LRRC25: variants seen among roughly 807,000 people sequenced by gnomAD.
LRRC25 encodes the protein leucine-rich repeat-containing protein 25.
Under a neutral mutation model 18.8 loss-of-function variants are expected in LRRC25, and 5 were observed. The observed-to-expected ratio is 0.27, with a 90% CI of 0.14 to 0.56. The LOEUF (loss-of-function observed/expected upper bound fraction) is 0.56, where lower values mean the gene tolerates loss of function less well. Among genes scored for constraint, LRRC25 ranks in the 20% least tolerant of loss-of-function variants. LRRC25 has a pLI of 0.93. For synonymous variants in LRRC25, 161 were observed against 176.8 expected, an observed-to-expected ratio of 0.91 and a Z score of 0.71; for missense variants, 341 against 389.8, an observed-to-expected ratio of 0.87 and a Z score of 1.05.
At position 18,396,892 on chromosome 19, in the gene LRRC25, CG is replaced by C; in HGVS notation, c.71del (p.Ser24CysfsTer20). On this transcript the variant is annotated frameshift_variant, in exon 1 of 2. Transcript: ENST00000339007. ...LLRESDSLEP[S>X]CTVSSADVDW... ...CCACATCCGCGGAGGACACGGTGCA[CG>C]ACGGTTCTAGGCTGTCTGACTCCCG... 6.2e-7 allele frequency: 1 copy of C among 1,613,550 alleles called. No homozygotes were observed. The highest frequency in any genetic ancestry group is 8.5e-7 in the Non-Finnish European group (1 of 1,179,998).
Position 18,396,669 on chromosome 19 carries a change from G to C in LRRC25, c.295C>G (p.Arg99Gly), listed in dbSNP as rs1189698972. 1.2e-6 allele frequency: 2 copies of C among 1,613,910 alleles called. No homozygotes were observed. Among genetic ancestry groups the C allele is most frequent in the Admixed American group, 3.3e-5 (2 of 59,968 alleles). The change falls in exon 1 of 2, where the codon CGT becomes GGT. Residue 99 changes from arginine to glycine, a missense_variant. Physicochemically the swap from Arg to Gly is moderately radical, Grantham distance 125 (BLOSUM62 -2). Transcript: ENST00000339007. The stretch of plus-strand genomic sequence containing the variant: ...CGGGCGGCCAGCGCCCCATCCACAC[G>C]AGACAAGGGGTTGCGTAGCACGTTC... ...VLNVLRNPLSRVDGALAARCD... is the reference protein window; with the variant it reads ...VLNVLRNPLSGVDGALAARCD...
intron 1 of LRRC25, among the ~76,000 whole-genome samples, chr19:18,392,488 T>C (rs1248381872): frequency 6.6e-6 from 1 of 150,934 alleles, no homozygotes; most frequent in Non-Finnish European, 1.5e-5. Context: ...CAAGACTCTA[T>C]CTCAGAAGGA....
chr19:18,395,732 T>C (rs1971959555), intron 1 of LRRC25, among the ~76,000 whole-genome samples: 1 of 152,176 alleles, frequency 6.6e-6, no homozygotes, highest in South Asian at 2.1e-4. Context: ...TTATTGATTT[T>C]ATTTTTGAGA....
chr19:18,396,082 T>C, intron 1 of LRRC25, 103 bp downstream of exon 1: 1 of 1,399,616 alleles, frequency 7.1e-7, no homozygotes. Context: ...TCACCTAAGA[T>C]CCCACAGCCT....
Position 18,397,466 on chromosome 19 carries a change from C to G in LRRC25, c.-503G>C, listed in dbSNP as rs954176978. Reference sequence around the variant, plus strand: ...CCTCAGTCCTACCTTTTGGGTCCCACTGCCACGCTTTTGCCTCTGCGATGC... The same window carrying G: ...CCTCAGTCCTACCTTTTGGGTCCCAGTGCCACGCTTTTGCCTCTGCGATGC... On this transcript the variant is annotated 5_prime_UTR_variant, in exon 1 of 2. Coordinates refer to ENST00000339007, the MANE Select transcript of LRRC25 (RefSeq NM_145256.3). 4 of 157,374 alleles carry G rather than the reference C, an allele frequency of 2.5e-5. No homozygotes were observed. Among genetic ancestry groups the G allele is most frequent in the Non-Finnish European group, 4.2e-5 (3 of 70,828 alleles). The allele number at this position is 157,374 out of a possible 1,614,324, so 9.7% of individuals were successfully genotyped here.
chr19:18,392,204 C>G, intron 1 of LRRC25, 79 bp from the exon 2 acceptor site: 1 of 1,477,222 alleles, frequency 6.8e-7, no homozygotes, highest in Middle Eastern at 1.7e-4. Context: ...TGAGAAAGTC[C>G]AGAGTGGGCC....
rs966750661 is a variant in LRRC25 at position 18,396,616 on chromosome 19, G to A, written c.348C>T (p.Cys116=). 5 of 1,613,908 alleles carry A rather than the reference G, an allele frequency of 3.1e-6. No individual in the cohort carries two copies. The highest frequency in any genetic ancestry group is 4.2e-6 in the Non-Finnish European group (5 of 1,180,050). Residue 116 remains cysteine (C), a synonymous_variant, in exon 1 of 2, where the codon TGC becomes TGT. Transcript: ENST00000339007. ...CGTGCCAGGACTCCAGGGCACAGTTGCAGTCGGCCTGCAGGTCAAGGTCAC... is the reference window on the plus strand; with the variant it reads ...CGTGCCAGGACTCCAGGGCACAGTTACAGTCGGCCTGCAGGTCAAGGTCAC... ...ARCDLDLQAD[C]NCALESWHDI... is the part of the protein sequence containing the mutation.
In LRRC25 at chr19:18,397,143, CTTCT is replaced by C; in HGVS notation, c.-184_-181del. 1 of 658,126 alleles carries C rather than the reference CTTCT, an allele frequency of 1.5e-6. No homozygotes were observed. The highest frequency in any genetic ancestry group is 2.6e-6 in the Non-Finnish European group (1 of 390,556). 40.8% of individuals were successfully genotyped at this position (658,126 alleles called of 1,614,324 possible). On this transcript the variant is annotated 5_prime_UTR_variant, in exon 1 of 2. Transcript: ENST00000339007. ...GGCTGGTGGGCTGCCTCAGTCTCCC[CTTCT>C]GGGGAATGGGTAGATAACCCCAGTG...
intron 1 of LRRC25, among the ~76,000 whole-genome samples, chr19:18,393,823 T>A (rs764761374): frequency 6.6e-6 from 1 of 152,120 alleles, no homozygotes; most frequent in Non-Finnish European, 1.5e-5. Flanking sequence ...AACTGTAAGA[T>A]GCAGGGTGGA....
intron 1 of LRRC25, among the ~76,000 whole-genome samples, chr19:18,393,980 A>C (rs1263844189): frequency 6.6e-6 from 1 of 152,186 alleles, no homozygotes; most frequent in Non-Finnish European, 1.5e-5. Context: ...ACCCTGCCTC[A>C]GACCATTTCT....
chr19:18,395,254 C>T (rs868724365), intron 1 of LRRC25, among the ~76,000 whole-genome samples: 1 of 151,880 alleles, frequency 6.6e-6, no homozygotes, highest in Non-Finnish European at 1.5e-5. Flanking sequence ...GCCTGTAGTC[C>T]CAGCTACTCG....
Position 18,396,808 on chromosome 19 carries a change from C to T in LRRC25, c.156G>A (p.Leu52=). 1.2e-6 allele frequency: 2 copies of T among 1,614,098 alleles called. No homozygotes were observed. The highest frequency in any genetic ancestry group is 1.7e-6 in the Non-Finnish European group (2 of 1,180,034). ...TGGCCCGCAGAGACTGGTTGTGAGG[C>T]AGGCTCAGGCTGAGGCCACTGAAAT... ...CLNFSGLSLS[L]PHNQSLRASN... The change falls in exon 1 of 2, where the codon CTG becomes CTA. Residue 52 remains leucine (L), a synonymous_variant. Transcript: ENST00000339007.
In LRRC25 at chr19:18,397,571, C is replaced by T. The variant is rs968026215; in HGVS notation, c.-608G>A. 5.2e-5 allele frequency: 8 copies of T among 154,462 alleles called. No individual in the cohort carries two copies. The highest frequency in any genetic ancestry group is 1.4e-4 in the African/African-American group (6 of 41,446). 9.6% of individuals were successfully genotyped at this position (154,462 alleles called of 1,614,324 possible). Reference sequence around the variant, plus strand: ...CGCAGCGGCCACGGCCAGCACCGTCCGCAGCGCTGCTGGGGTCGCTGGCGT... The same window carrying T: ...CGCAGCGGCCACGGCCAGCACCGTCTGCAGCGCTGCTGGGGTCGCTGGCGT... On this transcript the variant is annotated 5_prime_UTR_variant, in exon 1 of 2. Coordinates refer to ENST00000339007, the MANE Select transcript of LRRC25 (RefSeq NM_145256.3).
At chr19:18,392,257 TGAG>T in intron 1 of LRRC25, 132 bp from the exon 2 acceptor site, 1 of 868,492 alleles carries the variant, frequency 1.2e-6, no homozygotes, top group Non-Finnish European at 1.9e-6. Context: ...TTTGGGAGGC[TGAG>T]GTGGGTGGAT....
rs1349222700 is a variant in LRRC25, at chr19:18,397,258, C to T, written c.-295G>A. 2 of 437,180 alleles carry T rather than the reference C, an allele frequency of 4.6e-6. No individual in the cohort carries two copies. The highest frequency in any genetic ancestry group is 8.3e-6 in the Non-Finnish European group (2 of 240,392). 27.1% of individuals were successfully genotyped at this position (437,180 alleles called of 1,614,324 possible). A position where few individuals can be genotyped will look rare whatever the true frequency, so the allele number is the denominator to read the frequency against. The stretch of plus-strand genomic sequence containing the variant: ...TGAACATTTGGGGCGCCCTCGTTGG[C>T]CAGGACGGGACCCTATGCAAATAAG... On this transcript the variant is annotated 5_prime_UTR_variant, in exon 1 of 2. Transcript: ENST00000339007.
At position 18,391,949 on chromosome 19, in the gene LRRC25, C is replaced by G. The variant is rs1191898618; in HGVS notation, c.*38G>C. 6.2e-7 allele frequency: 1 copy of G among 1,601,330 alleles called. No individual in the cohort carries two copies. The highest frequency in any genetic ancestry group is 8.5e-7 in the Non-Finnish European group (1 of 1,171,484). On this transcript the variant is annotated 3_prime_UTR_variant, in exon 2 of 2. Coordinates refer to ENST00000339007, the MANE Select transcript of LRRC25 (RefSeq NM_145256.3). ...GACGCCCTGAGTCACCCAGCAGGGACTGAAGGGGTTCTGGGTGGAGGTTAG... is the reference window on the plus strand; with the variant it reads ...GACGCCCTGAGTCACCCAGCAGGGAGTGAAGGGGTTCTGGGTGGAGGTTAG...
rs966139752 is a variant in LRRC25 at position 18,397,448 on chromosome 19, C to G, written c.-485G>C. 6.8e-5 allele frequency: 11 copies of G among 160,666 alleles called. No individual in the cohort carries two copies. The highest frequency in any genetic ancestry group is 2.4e-4 in the African/African-American group (10 of 41,754). The allele number at this position is 160,666 out of a possible 1,614,324, so 10.0% of individuals were successfully genotyped here. A position where few individuals can be genotyped will look rare whatever the true frequency, so the allele number is the denominator to read the frequency against. ...CAGGTGCAAGTTCTAGAGCCTCAGT[C>G]CTACCTTTTGGGTCCCACTGCCACG... On this transcript the variant is annotated 5_prime_UTR_variant, in exon 1 of 2. Transcript: ENST00000339007.
Position 18,391,222 on chromosome 19 carries a change from G to A in LRRC25, c.*765C>T, listed in dbSNP as rs1971892786. 1 of 152,256 alleles carries A rather than the reference G, an allele frequency of 6.6e-6. No individual in the cohort carries two copies. The highest frequency in any genetic ancestry group is 1.5e-5 in the Non-Finnish European group (1 of 68,108). The allele number at this position is 152,256 out of a possible 1,614,324, so 9.4% of individuals were successfully genotyped here. On this transcript the variant is annotated 3_prime_UTR_variant, in exon 2 of 2. Coordinates refer to ENST00000339007, the MANE Select transcript of LRRC25 (RefSeq NM_145256.3). ...GCCAAGCCTGGAGATCAGGGACCTG[G>A]GAAGGGGCCCTGAGAGGGGCAGAAG...
Position 18,396,639 on chromosome 19 carries a change from C to A in LRRC25, c.325G>T (p.Asp109Tyr). The A allele has an allele frequency of 1.2e-6, 2 of 1,614,072 alleles. No homozygotes were observed. Among genetic ancestry groups the A allele is most frequent in the Non-Finnish European group, 1.7e-6 (2 of 1,180,040 alleles). The change falls in exon 1 of 2, where the codon GAC becomes TAC. Residue 109 changes from aspartate (D) to tyrosine (Y), a missense_variant. Asp to Tyr is a radical substitution (Grantham distance 160). Coordinates refer to ENST00000339007, the MANE Select transcript of LRRC25 (RefSeq NM_145256.3). ...TTGCAGTCGGCCTGCAGGTCAAGGTCACAGCGGGCGGCCAGCGCCCCATCC... is the reference window on the plus strand; with the variant it reads ...TTGCAGTCGGCCTGCAGGTCAAGGTAACAGCGGGCGGCCAGCGCCCCATCC... Reference protein sequence around the residue: ...RVDGALAARCDLDLQADCNCA... With the variant: ...RVDGALAARCYLDLQADCNCA...
Sources: gnomAD v4.1 joint callset for allele counts (sites outside exome capture counted in the v4.1 genomes callset) on GRCh38, gnomAD v4.1.1 for gene constraint, MANE v1.5 for transcripts, NCBI Gene and HGNC (gene_info 2026-07-23, HGNC 2026-07-21) for gene names.